The following VCF1 variants were observed in gnomAD, a reference collection of about 807,000 sequenced individuals.
The protein encoded by VCF1 is VCP nuclear cofactor family member 1.
At chr17:73,227,903 G>T in the VCF1 span, among the ~76,000 whole-genome samples, 4 of 152,150 alleles carry the variant, frequency 2.6e-5, no homozygotes, top group Admixed American at 2.6e-4. Flanking sequence ...GACCAAATTT[G>T]CATGTACTCT....
At chr17:73,217,166 C>T in the VCF1 span, among the ~76,000 whole-genome samples, 3 of 151,984 alleles carry the variant, frequency 2.0e-5, no homozygotes, top group African/African-American at 7.3e-5. Flanking sequence ...CTCATCTCTA[C>T]TAAAAATACA....
chr17:73,216,628 G>C, the VCF1 span, among the ~76,000 whole-genome samples: 1 of 152,176 alleles, frequency 6.6e-6, no homozygotes, highest in African/African-American at 2.4e-5. Context: ...AGAAATACTA[G>C]AAAAAGCTTT....
At chr17:73,224,263 C>CATA in the VCF1 span, among the ~76,000 whole-genome samples, 1 of 103,928 alleles carries the variant, frequency 9.6e-6, no homozygotes, top group Non-Finnish European at 1.8e-5. Context: ...GTCGTCTCTC[C>CATA]AAAAAAAAAA....
chr17:73,229,605 C>G, the VCF1 span: 1 of 984,276 alleles, frequency 1.0e-6, no homozygotes, highest in African/African-American at 1.7e-5. Flanking sequence ...GTGACTCACA[C>G]CTGTAATCCC....
At chr17:73,212,627 C>T in the VCF1 span, 370 of 1,476,978 alleles carry the variant, frequency 2.5e-4, 1 homozygote, top group African/African-American at 4.4e-3. Context: ...TTGCACCTTG[C>T]GAATCATGAA....
the VCF1 span, among the ~76,000 whole-genome samples, chr17:73,221,055 C>T: frequency 6.6e-6 from 1 of 150,810 alleles, no homozygotes; most frequent in Non-Finnish European, 1.5e-5. Context: ...CGCGCCACCA[C>T]GCCCGGTTAA....
At chr17:73,211,112 T>C in the VCF1 span, among the ~76,000 whole-genome samples, 1 of 152,258 alleles carries the variant, frequency 6.6e-6, no homozygotes, top group South Asian at 2.1e-4. Flanking sequence ...GGCAAAGACA[T>C]TGGTTCTGAA....
At chr17:73,208,451 A>G in the VCF1 span, 2 of 1,613,894 alleles carry the variant, frequency 1.2e-6, no homozygotes, top group Non-Finnish European at 1.7e-6. Flanking sequence ...TGACTAAGTA[A>G]CATGGCAACA....
the VCF1 span, among the ~76,000 whole-genome samples, chr17:73,230,362 C>T: frequency 4.6e-5 from 7 of 151,972 alleles, no homozygotes; most frequent in Non-Finnish European, 1.0e-4. Context: ...ACACACTCAC[C>T]TCTCTGCGGC....
the VCF1 span, chr17:73,208,591 G>A: frequency 1.9e-6 from 2 of 1,072,002 alleles, no homozygotes; most frequent in Admixed American, 3.4e-5. Context: ...ACTGTTGGGG[G>A]TTACTTTAAG....
At chr17:73,231,238 G>A in the VCF1 span, among the ~76,000 whole-genome samples, 1 of 152,120 alleles carries the variant, frequency 6.6e-6, no homozygotes. Context: ...TTTCAGAGAA[G>A]GATCCTTGTG....
the VCF1 span, among the ~76,000 whole-genome samples, chr17:73,220,951 T>C: frequency 1.4e-5 from 2 of 139,114 alleles, no homozygotes; most frequent in African/African-American, 2.8e-5. Context: ...CAGTCTGGAG[T>C]GCAGTGGTGC....
chr17:73,229,549 T>C, the VCF1 span: 1 of 985,394 alleles, frequency 1.0e-6, no homozygotes, highest in Non-Finnish European at 1.2e-6. Flanking sequence ...TGTCATCTCC[T>C]AGAGACTCGG....
At chr17:73,224,845 G>GACAGC in the VCF1 span, among the ~76,000 whole-genome samples, 1 of 130,134 alleles carries the variant, frequency 7.7e-6, no homozygotes, top group Non-Finnish European at 1.7e-5. Context: ...CACAGCACAG[G>GACAGC]ACAGGACAGG....
chr17:73,209,509 G>T, the VCF1 span: 1 of 1,569,324 alleles, frequency 6.4e-7, no homozygotes, highest in African/African-American at 1.4e-5. Flanking sequence ...CTTCACAGAA[G>T]GCAAGAAACT....
the VCF1 span, chr17:73,207,523 ATTTAGTAGGGTGAAAGAGT>A: frequency 5.0e-6 from 3 of 599,566 alleles, no homozygotes; most frequent in Non-Finnish European, 8.7e-6. Flanking sequence ...GAGCTCTTGA[ATTTAGTAGGGTGAAAGAGT>A]TAACTGCCAA....
the VCF1 span, chr17:73,208,374 C>T: frequency 1.2e-6 from 2 of 1,614,164 alleles, no homozygotes; most frequent in Non-Finnish European, 1.7e-6. Flanking sequence ...CTTGTTCAGA[C>T]AGCTTGTCAG....
At chr17:73,215,406 T>C in the VCF1 span, among the ~76,000 whole-genome samples, 1 of 152,090 alleles carries the variant, frequency 6.6e-6, no homozygotes, top group Non-Finnish European at 1.5e-5. Context: ...CCTCAGCCTC[T>C]TGAGCAGCTG....
the VCF1 span, chr17:73,212,694 T>C: frequency 1.3e-6 from 2 of 1,597,048 alleles, no homozygotes; most frequent in Non-Finnish European, 1.7e-6. Context: ...GAACGCTTTG[T>C]TTCCTCTTAG....
Sources: allele counts gnomAD v4.1 joint callset (sites outside exome capture counted in the v4.1 genomes callset), GRCh38; gene constraint gnomAD v4.1.1; transcripts MANE v1.5; gene names NCBI Gene and HGNC (gene_info 2026-07-23, HGNC 2026-07-21).